Variants in TMEM132D observed in about 807,000 individuals in gnomAD.
The protein encoded by TMEM132D is mature OL transmembrane protein.
TMEM132D carries 21 observed loss-of-function variants against 62.3 expected under a neutral mutation model. The observed-to-expected ratio is 0.34, with a 90% confidence interval of 0.24 to 0.49. The LOEUF (loss-of-function observed/expected upper bound fraction) is 0.49, where lower values mean the gene tolerates loss of function less well. Among genes scored for constraint, TMEM132D ranks in the 20% least tolerant of loss-of-function variants. The probability of loss-of-function intolerance (pLI) is 0.99; values close to 1 mark genes in which losing one functional copy is unlikely to be tolerated. For missense variants in TMEM132D, 1,346 were observed against 1,402.8 expected, an observed-to-expected ratio of 0.96 and a Z score of 0.65; for synonymous variants, 621 against 575.6, an observed-to-expected ratio of 1.08 and a Z score of -1.13.
In TMEM132D at chr12:129,605,587, T is replaced by TTATATATATATATATATA. The variant is rs71301340; in HGVS notation, c.969-74400_969-74383dup. 2.4e-3 allele frequency among the ~76,000 whole-genome samples: 259 copies of TTATATATATATATATATA among 107,316 alleles called. 5 individuals carry two copies. The highest frequency in any genetic ancestry group is 6.2e-3 in the African/African-American group (160 of 25,692). The allele number at this position is 107,316 out of a possible 152,430, so 70.4% of individuals were successfully genotyped here. ...TTAAATTATTATGGGAAATTAGGCA[T>TTATATATATATATATATA]TATATATATATATATATACACACAC... On this transcript the variant is annotated intron_variant, in intron 2 of 8. Transcript: ENST00000422113.
chr12:129,565,099 A>T (rs943403850), intron 2 of TMEM132D, among the ~76,000 whole-genome samples: 4 of 152,252 alleles, frequency 2.6e-5, no homozygotes, highest in Non-Finnish European at 5.9e-5. Context: ...TAAGAGACAC[A>T]CAAGTGCAGA....
chr12:129,342,560 C>A (rs192613929), intron 3 of TMEM132D, among the ~76,000 whole-genome samples: 59 of 152,212 alleles, frequency 3.9e-4, no homozygotes, highest in African/African-American at 1.3e-3. Context: ...GCAACAGAAG[C>A]CAAAATTGAC....
chr12:129,110,768 C>G (rs1875672253), intron 5 of TMEM132D: 1 of 152,294 alleles, frequency 6.6e-6, no homozygotes, highest in Admixed American at 6.5e-5. Context: ...CCATGACCCT[C>G]CATCGGAGTC....
chr12:129,725,939 A>C (rs114001690), intron 1 of TMEM132D, among the ~76,000 whole-genome samples: 2,064 of 152,310 alleles, frequency 0.014, 40 homozygotes, highest in African/African-American at 0.046. Context: ...AATATTTTCT[A>C]TGCAGACGCA....
At chr12:129,679,137 T>C (rs1880716672) in intron 2 of TMEM132D, among the ~76,000 whole-genome samples, 1 of 152,000 alleles carries the variant, frequency 6.6e-6, no homozygotes, top group Non-Finnish European at 1.5e-5. Flanking sequence ...ACCTAGTTTT[T>C]TTTTTTGTTG....
intron 5 of TMEM132D, among the ~76,000 whole-genome samples, chr12:129,158,284 T>A (rs961981): frequency 0.57 from 86,276 of 152,026 alleles, 25,501 homozygotes; most frequent in Non-Finnish European, 0.66. Flanking sequence ...CACGTGTGCA[T>A]GCTTTGCAGG....
At chr12:129,567,678 T>C (rs1474148418) in intron 2 of TMEM132D, among the ~76,000 whole-genome samples, 1 of 152,216 alleles carries the variant, frequency 6.6e-6, no homozygotes, top group African/African-American at 2.4e-5. Context: ...GGGGGGGATA[T>C]AATTGTTTTT....
intron 1 of TMEM132D, chr12:129,852,247 G>A (rs1334636825): frequency 6.6e-6 from 1 of 152,186 alleles, no homozygotes; most frequent in East Asian, 1.9e-4. Flanking sequence ...TTTATCCATA[G>A]AAATACACAA....
chr12:129,633,666 T>C (rs1401911175), intron 2 of TMEM132D, among the ~76,000 whole-genome samples: 2 of 152,146 alleles, frequency 1.3e-5, no homozygotes, highest in African/African-American at 4.8e-5. Flanking sequence ...GAGAGTGTGA[T>C]GGATGGCCGG....
chr12:129,803,645 C>T (rs1871873560), intron 1 of TMEM132D, among the ~76,000 whole-genome samples: 1 of 150,166 alleles, frequency 6.7e-6, no homozygotes, highest in African/African-American at 2.5e-5. Context: ...AAAGCAAGAG[C>T]AAACACATTC....
intron 5 of TMEM132D, among the ~76,000 whole-genome samples, chr12:129,197,710 CTG>C (rs1878587153): frequency 6.6e-6 from 1 of 152,228 alleles, no homozygotes; most frequent in Admixed American, 6.5e-5. Flanking sequence ...AGGGGAAACA[CTG>C]TATGAGTTGT....
rs909733159 is a variant in TMEM132D, at chr12:129,607,606, C to T, written c.969-76401G>A. On this transcript the variant is annotated intron_variant, in intron 2 of 8. Coordinates refer to ENST00000422113, the MANE Select transcript of TMEM132D (RefSeq NM_133448.3). ...AATTCCAAGGGCTTAGAGGCTACCA[C>T]CCAGGAGGCCAGACAAAGGGCCAAG... Among the ~76,000 whole-genome samples the T allele has an allele frequency of 2.0e-5, 3 of 152,294 alleles. No homozygotes were observed. The East Asian group carries it at 5.8e-4, about 29-fold the overall frequency.
At chr12:129,894,589 G>T (rs1465831494) in intron 1 of TMEM132D, among the ~76,000 whole-genome samples, 3 of 152,170 alleles carry the variant, frequency 2.0e-5, no homozygotes, top group Non-Finnish European at 2.9e-5. Flanking sequence ...TGATGGTGTG[G>T]AGTCAGGATA....
At chr12:129,391,199 C>T (rs185607522) in intron 3 of TMEM132D, among the ~76,000 whole-genome samples, 90 of 152,292 alleles carry the variant, frequency 5.9e-4, no homozygotes, top group Non-Finnish European at 1.1e-3. Context: ...CTTTTCCTCA[C>T]ACGATGATAA....
chr12:129,075,067 G>T lies in TMEM132D; in HGVS notation c.2116-8C>A, dbSNP rs370900924. ...GCAACTGATGGCTGCTTCCTATGGA[G>T]AAAAATATGTAAGTTAATCAAATGG... On this transcript the variant is annotated splice_polypyrimidine_tract_variant and splice_region_variant and intron_variant, in intron 8 of 8. Transcript: ENST00000422113. 6.3e-7 allele frequency: 1 copy of T among 1,594,726 alleles called. No individual in the cohort carries two copies. The highest frequency in any genetic ancestry group is 1.7e-5 in the Admixed American group (1 of 58,388).
At chr12:129,127,999 T>C (rs1348984468) in intron 5 of TMEM132D, among the ~76,000 whole-genome samples, 3 of 152,192 alleles carry the variant, frequency 2.0e-5, no homozygotes, top group Admixed American at 6.5e-5. Context: ...TGTCCTACGT[T>C]ACCCAGGCAT....
intron 2 of TMEM132D, among the ~76,000 whole-genome samples, chr12:129,580,321 G>A (rs927628108): frequency 2.0e-5 from 3 of 152,190 alleles, no homozygotes; most frequent in African/African-American, 7.2e-5. Context: ...GTACAGGACT[G>A]GTCACCACAT....
chr12:129,153,334 T>C (rs1161193762), intron 5 of TMEM132D, among the ~76,000 whole-genome samples: 1 of 152,072 alleles, frequency 6.6e-6, no homozygotes, highest in Non-Finnish European at 1.5e-5. Context: ...AATTTAAATG[T>C]GGTGTTGGCT....
rs1336461549 is a variant in TMEM132D at position 129,525,226 on chromosome 12, G to GGTTTTTTTTTTTTTTTTT, written c.1115+5832_1115+5833insAAAAAAAAAAAAAAAAAC. On this transcript the variant is annotated intron_variant, in intron 3 of 8. Coordinates refer to ENST00000422113, the MANE Select transcript of TMEM132D (RefSeq NM_133448.3). ...GGGTATGAGCCACGGTGCCCAGCCG[G>GGTTTTTTTTTTTTTTTTT]TTTTTTTTTTTTTTTTTTTTTTTTT... Among the ~76,000 whole-genome samples, 12 of 67,396 alleles carry GGTTTTTTTTTTTTTTTTT rather than the reference G, an allele frequency of 1.8e-4. 4 individuals are homozygous for GGTTTTTTTTTTTTTTTTT. The highest frequency in any genetic ancestry group is 4.1e-4 in the African/African-American group (8 of 19,666). 44.2% of individuals were successfully genotyped at this position (67,396 alleles called of 152,430 possible).
Sources: allele counts gnomAD v4.1 joint callset (sites outside exome capture counted in the v4.1 genomes callset), GRCh38; gene constraint gnomAD v4.1.1; transcripts MANE v1.5; gene names NCBI Gene and HGNC (gene_info 2026-07-23, HGNC 2026-07-21).